Variants in TENM3 observed in about 807,000 individuals in gnomAD.
The protein encoded by TENM3 is teneurin-3.
A neutral mutation model predicts 255.1 loss-of-function variants in TENM3; 63 were observed. That is an observed-to-expected ratio of 0.25 (90% CI 0.20 to 0.30). The LOEUF is 0.30. Among genes scored for constraint, TENM3 ranks in the 10% least tolerant of loss-of-function variants. The probability of loss-of-function intolerance (pLI) is 1.00; values close to 1 mark genes in which losing one functional copy is unlikely to be tolerated. For missense variants in TENM3, 2,929 were observed against 3,461.1 expected (o/e 0.85, Z 3.86); for synonymous variants, 1,306 against 1,322.3 (o/e 0.99, Z 0.27).
intron 3 of TENM3, among the ~76,000 whole-genome samples, chr4:182,512,554 T>C (rs1009697818): frequency 2.6e-5 from 4 of 152,230 alleles, no homozygotes; most frequent in African/African-American, 9.6e-5. Flanking sequence ...ATTTTAAATA[T>C]TTGATGAAAT....
chr4:182,063,459 C>G, the TENM3 span, among the ~76,000 whole-genome samples: 1 of 152,320 alleles, frequency 6.6e-6, no homozygotes, highest in East Asian at 1.9e-4. Context: ...GCACTTAGTA[C>G]TTTAAGCACT....
intron 3 of TENM3, among the ~76,000 whole-genome samples, chr4:182,556,195 A>G (rs1560917762): frequency 6.6e-6 from 1 of 152,318 alleles, no homozygotes; most frequent in South Asian, 2.1e-4. Flanking sequence ...TGCAGTGGGC[A>G]TGAAAGCAGC....
chr4:181,936,821 A>G, the TENM3 span, among the ~76,000 whole-genome samples: 1 of 151,916 alleles, frequency 6.6e-6, no homozygotes, highest in African/African-American at 2.4e-5. Context: ...TAAAACAAGC[A>G]GAAGGGGAGA....
chr4:181,505,499 C>A, the TENM3 span, among the ~76,000 whole-genome samples: 1 of 151,966 alleles, frequency 6.6e-6, no homozygotes, highest in Non-Finnish European at 1.5e-5. Flanking sequence ...TTTATTTTTT[C>A]CATGTTAAGC....
the TENM3 span, among the ~76,000 whole-genome samples, chr4:181,570,165 C>A: frequency 6.6e-6 from 1 of 151,566 alleles, no homozygotes; most frequent in Non-Finnish European, 1.5e-5. Flanking sequence ...CCTGCCTCAG[C>A]CTCCCGAGTA....
the TENM3 span, among the ~76,000 whole-genome samples, chr4:182,004,195 C>T: frequency 6.6e-6 from 1 of 152,064 alleles, no homozygotes; most frequent in South Asian, 2.1e-4. Flanking sequence ...CCTATTGACA[C>T]GTTCTTTAAT....
At chr4:182,479,328 C>T (rs1441967712) in intron 3 of TENM3, among the ~76,000 whole-genome samples, 1 of 151,826 alleles carries the variant, frequency 6.6e-6, no homozygotes, top group African/African-American at 2.4e-5. Flanking sequence ...ATTAGTCAGG[C>T]TACGTTTTTA....
intron 5 of TENM3, among the ~76,000 whole-genome samples, chr4:182,641,532 G>GTT (rs33982626): frequency 3.8e-4 from 54 of 142,244 alleles, no homozygotes; most frequent in African/African-American, 1.0e-3. Context: ...TTTTTTTGTT[G>GTT]TTTTTTTTTT....
the TENM3 span, among the ~76,000 whole-genome samples, chr4:181,806,088 C>T: frequency 2.0e-5 from 3 of 152,068 alleles, no homozygotes; most frequent in East Asian, 1.9e-4. Flanking sequence ...AAAATAAGAA[C>T]ATTATAAATT....
At chr4:181,793,925 T>A in the TENM3 span, among the ~76,000 whole-genome samples, 2 of 152,198 alleles carry the variant, frequency 1.3e-5, no homozygotes, top group Non-Finnish European at 2.9e-5. Context: ...TTAGGGCTGG[T>A]CCTATAGTCC....
the TENM3 span, among the ~76,000 whole-genome samples, chr4:182,136,693 G>A: frequency 6.6e-6 from 1 of 152,104 alleles, no homozygotes. Context: ...CAAAACAACT[G>A]ATGTCATTCA....
the TENM3 span, among the ~76,000 whole-genome samples, chr4:181,810,338 A>G: frequency 5.3e-5 from 8 of 152,192 alleles, no homozygotes; most frequent in African/African-American, 1.9e-4. Flanking sequence ...GAAACAGGCA[A>G]GCAGGTTTCT....
At chr4:182,059,756 A>G in the TENM3 span, among the ~76,000 whole-genome samples, 3 of 128,874 alleles carry the variant, frequency 2.3e-5, no homozygotes, top group African/African-American at 8.8e-5. Context: ...AAAAAAAAAA[A>G]AAAAAAGAAA....
intron 12 of TENM3, among the ~76,000 whole-genome samples, chr4:182,702,972 G>A (rs573638363): frequency 2.3e-4 from 35 of 152,140 alleles, no homozygotes; most frequent in South Asian, 8.3e-4. Flanking sequence ...TCCTGACCTC[G>A]TGATCTGCCC....
chr4:181,883,325 T>C, the TENM3 span, among the ~76,000 whole-genome samples: 2 of 152,098 alleles, frequency 1.3e-5, no homozygotes, highest in Non-Finnish European at 2.9e-5. Context: ...GTCCACCAAC[T>C]CATTCAAATC....
At chr4:182,796,867 T>G in intron 27 of TENM3, 100 bp downstream of exon 27, 1 of 942,622 alleles carries the variant, frequency 1.1e-6, no homozygotes, top group Non-Finnish European at 1.5e-6. Flanking sequence ...CCAAAGACAG[T>G]TTTTAACTTT....
At chr4:181,871,611 G>A in the TENM3 span, among the ~76,000 whole-genome samples, 1 of 151,978 alleles carries the variant, frequency 6.6e-6, no homozygotes, top group East Asian at 1.9e-4. Flanking sequence ...GAAGCGGTGA[G>A]AACAAAGTAT....
At chr4:181,792,800 C>T in the TENM3 span, among the ~76,000 whole-genome samples, 1 of 152,070 alleles carries the variant, frequency 6.6e-6, no homozygotes, top group East Asian at 1.9e-4. Flanking sequence ...TGCAATTAAC[C>T]CACTTCTCCC....
the TENM3 span, among the ~76,000 whole-genome samples, chr4:181,451,576 A>T: frequency 6.6e-4 from 100 of 152,284 alleles, no homozygotes; most frequent in Non-Finnish European, 1.1e-3. Flanking sequence ...AAAAGAGTGA[A>T]GGTGTAGGGG....
Sources: allele counts gnomAD v4.1 joint callset (sites outside exome capture counted in the v4.1 genomes callset), GRCh38; gene constraint gnomAD v4.1.1; transcripts MANE v1.5; gene names NCBI Gene and HGNC (gene_info 2026-07-23, HGNC 2026-07-21).